Variants in PDLIM5 observed in about 807,000 individuals in gnomAD.
The protein encoded by PDLIM5 is PDZ and LIM domain protein 5.
In PDLIM5, 34 loss-of-function variants were observed where a neutral mutation model predicts 64.2. The observed-to-expected ratio is 0.53, with a 90% CI of 0.40 to 0.71. The LOEUF is 0.71. Ranked by LOEUF, PDLIM5 falls within the 30% of genes least tolerant of loss-of-function variation. The pLI, the probability that PDLIM5 is intolerant of heterozygous loss-of-function variation, is 0.00. For missense variants in PDLIM5, 683 were observed against 733.6 expected (o/e 0.93, Z 0.80); for synonymous variants, 253 against 269.1 (o/e 0.94, Z 0.59).
chr4:94,580,440 T>C (rs906492324), intron 5 of PDLIM5, among the ~76,000 whole-genome samples: 2 of 152,172 alleles, frequency 1.3e-5, no homozygotes, highest in African/African-American at 4.8e-5. Flanking sequence ...GAATATTGCA[T>C]ACCAGTGTAA....
chr4:94,584,255 A>C (rs1249449539), intron 5 of PDLIM5: 1 of 152,234 alleles, frequency 6.6e-6, no homozygotes, highest in Non-Finnish European at 1.5e-5. Context: ...TTTTGAAATT[A>C]AACTCATAGC....
At chr4:94,646,657 T>G (rs907565901) in intron 9 of PDLIM5, among the ~76,000 whole-genome samples, 1 of 152,158 alleles carries the variant, frequency 6.6e-6, no homozygotes, top group Non-Finnish European at 1.5e-5. Flanking sequence ...ACAAACCAAT[T>G]TATTTTATTT....
chr4:94,533,666 A>G (rs1008104598), intron 3 of PDLIM5, among the ~76,000 whole-genome samples: 3 of 152,232 alleles, frequency 2.0e-5, no homozygotes, highest in Non-Finnish European at 2.9e-5. Context: ...CACAGGTTGA[A>G]TGAAATAGCC....
chr4:94,544,517 A>G (rs765904730), intron 3 of PDLIM5, among the ~76,000 whole-genome samples: 3 of 152,216 alleles, frequency 2.0e-5, no homozygotes, highest in Non-Finnish European at 4.4e-5. Context: ...ATAGAGATAC[A>G]TTGAGTAAGC....
chr4:94,583,359 ATT>A (rs1735895934), intron 5 of PDLIM5, among the ~76,000 whole-genome samples: 1 of 152,130 alleles, frequency 6.6e-6, no homozygotes, highest in South Asian at 2.1e-4. Context: ...GCTTGACACC[ATT>A]GTTTTGTTTT....
At chr4:94,606,447 G>C (rs1038539162) in intron 7 of PDLIM5, among the ~76,000 whole-genome samples, 23 of 152,122 alleles carry the variant, frequency 1.5e-4, no homozygotes, top group African/African-American at 5.6e-4. Flanking sequence ...TAGAACGAGG[G>C]CTGAGGACAG....
chr4:94,527,541 A>G (rs552345744), intron 3 of PDLIM5, among the ~76,000 whole-genome samples: 35 of 152,320 alleles, frequency 2.3e-4, no homozygotes, highest in East Asian at 1.9e-4. Flanking sequence ...TCTTAGTCCA[A>G]TTTCCTAGAG....
intron 2 of PDLIM5, among the ~76,000 whole-genome samples, chr4:94,493,177 C>T (rs545307197): frequency 2.7e-4 from 41 of 152,094 alleles, no homozygotes; most frequent in Admixed American, 1.0e-3. Flanking sequence ...AATTGCTATT[C>T]GGATCTTTTG....
intron 3 of PDLIM5, among the ~76,000 whole-genome samples, chr4:94,565,771 T>G (rs1056973798): frequency 6.6e-6 from 1 of 152,196 alleles, no homozygotes; most frequent in Admixed American, 6.5e-5. Context: ...AACCTGTTCT[T>G]TGTTTTTGCA....
intron 2 of PDLIM5, among the ~76,000 whole-genome samples, chr4:94,495,058 T>C (rs909390708): frequency 6.6e-6 from 1 of 152,194 alleles, no homozygotes; most frequent in Admixed American, 6.5e-5. Context: ...CCATGTTTTA[T>C]ATATTCGTCA....
intron 2 of PDLIM5, among the ~76,000 whole-genome samples, chr4:94,504,691 C>T (rs1728237918): frequency 6.6e-6 from 1 of 152,162 alleles, no homozygotes; most frequent in African/African-American, 2.4e-5. Flanking sequence ...AATACATAAT[C>T]TGTTTCTCAT....
chr4:94,638,620 T>A lies in PDLIM5; in HGVS notation c.1109-1656T>A, dbSNP rs549136384. ...TGTGTTTTTACATATATATGTATAT[T>A]TATGTAAATACATTTATCTGTATAC... On this transcript the variant is annotated intron_variant, in intron 8 of 12. Transcript: ENST00000317968. 2.6e-5 allele frequency among the ~76,000 whole-genome samples: 4 copies of A among 152,372 alleles called. No individual in the cohort carries two copies. In the East Asian group the frequency reaches 7.7e-4, roughly 29 times the overall value.
At chr4:94,558,244 A>C (rs1288591966) in intron 3 of PDLIM5, among the ~76,000 whole-genome samples, 1 of 151,902 alleles carries the variant, frequency 6.6e-6, no homozygotes, top group Non-Finnish European at 1.5e-5. Context: ...GCCTTGCATC[A>C]ACTTGGGCAA....
chr4:94,538,152 C>A (rs1731475696), intron 3 of PDLIM5, among the ~76,000 whole-genome samples: 1 of 152,084 alleles, frequency 6.6e-6, no homozygotes, highest in South Asian at 2.1e-4. Flanking sequence ...ACAAAATATT[C>A]CAGTATCAGT....
At chr4:94,586,960 T>A in intron 7 of PDLIM5, 1 of 929,082 alleles carries the variant, frequency 1.1e-6, no homozygotes, top group Non-Finnish European at 1.4e-6. Context: ...TATCACTCTT[T>A]TTTTTTTTTT....
At chr4:94,532,968 A>C (rs1198816949) in intron 3 of PDLIM5, among the ~76,000 whole-genome samples, 1 of 152,160 alleles carries the variant, frequency 6.6e-6, no homozygotes. Flanking sequence ...GCACCACTGC[A>C]CTCCAGACTG....
At chr4:94,584,196 G>A (rs1006614380) in intron 5 of PDLIM5, among the ~76,000 whole-genome samples, 2 of 152,116 alleles carry the variant, frequency 1.3e-5, no homozygotes, top group Non-Finnish European at 2.9e-5. Context: ...TTCTGTACTC[G>A]TATCTTGTGC....
intron 2 of PDLIM5, among the ~76,000 whole-genome samples, chr4:94,505,891 T>C (rs1383427834): frequency 1.3e-5 from 2 of 152,168 alleles, no homozygotes; most frequent in African/African-American, 2.4e-5. Context: ...TATGTAGTTA[T>C]GATTGCTTAC....
intron 7 of PDLIM5, among the ~76,000 whole-genome samples, chr4:94,608,634 A>G (rs1738119341): frequency 6.6e-6 from 1 of 152,206 alleles, no homozygotes. Context: ...GATGAAAGAA[A>G]TTCATTACCG....
Sources: allele counts gnomAD v4.1 joint callset (sites outside exome capture counted in the v4.1 genomes callset), GRCh38; gene constraint gnomAD v4.1.1; transcripts MANE v1.5; gene names NCBI Gene and HGNC (gene_info 2026-07-23, HGNC 2026-07-21).